Variants in CREB3L2 observed in about 807,000 individuals in gnomAD.
CREB3L2 encodes the protein cyclic AMP-responsive element-binding protein 3-like protein 2.
CREB3L2 carries 23 observed loss-of-function variants against 57.2 expected under a neutral mutation model. The ratio of observed to expected loss-of-function variants is 0.40; its 90% CI spans 0.29 to 0.57. The LOEUF is 0.57. Among genes scored for constraint, CREB3L2 ranks in the 20% least tolerant of loss-of-function variants. The pLI, the probability that CREB3L2 is intolerant of heterozygous loss-of-function variation, is 0.42. For missense variants in CREB3L2, 628 were observed against 634.7 expected (o/e 0.99, Z 0.11); for synonymous variants, 268 against 265.1 (o/e 1.01, Z -0.11).
intron 7 of CREB3L2, among the ~76,000 whole-genome samples, chr7:137,901,963 G>A (rs1273226206): frequency 6.6e-6 from 1 of 151,206 alleles, no homozygotes; most frequent in Non-Finnish European, 1.5e-5. Flanking sequence ...GGAGGCTGAG[G>A]CAGGCAGATC....
intron 1 of CREB3L2, among the ~76,000 whole-genome samples, chr7:137,981,085 G>A (rs546498548): frequency 1.3e-5 from 2 of 152,286 alleles, no homozygotes; most frequent in Admixed American, 6.5e-5. Flanking sequence ...CCTGAGTTCA[G>A]GTCCTCACAC....
intron 1 of CREB3L2, among the ~76,000 whole-genome samples, chr7:137,994,096 C>G (rs1048555521): frequency 6.6e-6 from 1 of 152,168 alleles, no homozygotes; most frequent in African/African-American, 2.4e-5. Context: ...CATCCTGATT[C>G]CACAGGGGCA....
chr7:137,919,114 T>G (rs539283329), intron 2 of CREB3L2, among the ~76,000 whole-genome samples: 1 of 152,266 alleles, frequency 6.6e-6, no homozygotes, highest in African/African-American at 2.4e-5. Context: ...AATTTAGTCC[T>G]TGATCCTGAA....
chr7:137,922,433 TATAC>T (rs1800337038), intron 2 of CREB3L2, among the ~76,000 whole-genome samples: 1 of 48,404 alleles, frequency 2.1e-5, no homozygotes, highest in African/African-American at 1.7e-4. Flanking sequence ...TATATATATA[TATAC>T]GTATATATAT....
At chr7:137,964,829 G>A (rs1176058550) in intron 1 of CREB3L2, among the ~76,000 whole-genome samples, 1 of 152,154 alleles carries the variant, frequency 6.6e-6, no homozygotes, top group Non-Finnish European at 1.5e-5. Flanking sequence ...TTGAATGATG[G>A]AGGCGGTTTC....
intron 4 of CREB3L2, among the ~76,000 whole-genome samples, chr7:137,911,946 G>A (rs1375120094): frequency 6.6e-6 from 1 of 152,184 alleles, no homozygotes; most frequent in Non-Finnish European, 1.5e-5. Context: ...ATCTGCATAC[G>A]CAAGGCAGAG....
At chr7:137,999,379 TACACACACACAC>T (rs60762009) in intron 1 of CREB3L2, among the ~76,000 whole-genome samples, 3,326 of 142,410 alleles carry the variant, frequency 0.023, 133 homozygotes, top group African/African-American at 0.08. Context: ...TATGTTCCCC[TACACACACACAC>T]ACACACACAC....
chr7:137,885,681 G>A (rs1799402944), intron 8 of CREB3L2, among the ~76,000 whole-genome samples, 179 bp from the exon 9 acceptor site: 1 of 152,184 alleles, frequency 6.6e-6, no homozygotes, highest in Non-Finnish European at 1.5e-5. Flanking sequence ...CATTGTCACA[G>A]AGCTCACTGG....
At chr7:137,956,530 C>A (rs1474369180) in intron 1 of CREB3L2, 20 of 950,564 alleles carry the variant, frequency 2.1e-5, no homozygotes, top group Non-Finnish European at 2.8e-5. Flanking sequence ...AGCTCCTAAG[C>A]CCACCTGAGC....
intron 4 of CREB3L2, among the ~76,000 whole-genome samples, chr7:137,910,302 T>C (rs781175399): frequency 2.6e-5 from 4 of 152,028 alleles, no homozygotes; most frequent in Non-Finnish European, 5.9e-5. Flanking sequence ...ACATACAGCT[T>C]TTCTCTAGAT....
At chr7:138,000,145 C>A (rs927287314) in intron 1 of CREB3L2, among the ~76,000 whole-genome samples, 3 of 152,214 alleles carry the variant, frequency 2.0e-5, no homozygotes, top group African/African-American at 7.2e-5. Flanking sequence ...ATTGCAGCTG[C>A]TGGATGAGAC....
rs2117165065 is a variant in CREB3L2, at chr7:137,877,549, C to T, written c.*2927G>A. On this transcript the variant is annotated 3_prime_UTR_variant, in exon 12 of 12. Coordinates refer to ENST00000330387, the MANE Select transcript of CREB3L2 (RefSeq NM_194071.4). Reference sequence around the variant, plus strand: ...GGGTCTGGGTTACTCAGGTCTTATCCAGTGAAAAATTAGTTCTCTGAATCT... The same window carrying T: ...GGGTCTGGGTTACTCAGGTCTTATCTAGTGAAAAATTAGTTCTCTGAATCT... 4.4e-6 allele frequency: 1 copy of T among 225,856 alleles called. No individual in the cohort carries two copies. The highest frequency in any genetic ancestry group is 6.4e-5 in the East Asian group (1 of 15,638). 14.0% of individuals were successfully genotyped at this position (225,856 alleles called of 1,614,324 possible). A position where few individuals can be genotyped will look rare whatever the true frequency, so the allele number is the denominator to read the frequency against.
rs747567177 is a variant in CREB3L2, at chr7:138,001,637, C to A, written c.69G>T (p.Glu23Asp). ...ACATGAGGGCCTCGCCGTCCCCGGGCTCTGACAGCTCGCTCAGCTTGCGGT... is the reference window on the plus strand; with the variant it reads ...ACATGAGGGCCTCGCCGTCCCCGGGATCTGACAGCTCGCTCAGCTTGCGGT... ...QWDRKLSELS[E>D]PGDGEALMYH... The change falls in exon 1 of 12, where the codon GAG (glutamate) becomes GAT (aspartate). Residue 23 changes from glutamate (E) to aspartate (D), a missense_variant. Transcript: ENST00000330387. This position sits in a 1 kb window ranked among gnomAD's most constrained non-coding sequence, Gnocchi z 4.2. 10 of 1,613,442 alleles carry A rather than the reference C, an allele frequency of 6.2e-6. No homozygotes were observed. The highest frequency in any genetic ancestry group is 3.3e-5 in the South Asian group (3 of 91,028).
rs547585814 is a variant in CREB3L2, at chr7:137,880,070, T to C, written c.*406A>G. The C allele has an allele frequency of 1.7e-5, 5 of 289,768 alleles. No individual in the cohort carries two copies. In the South Asian group the frequency reaches 3.9e-4, roughly 22 times the overall value. The allele number at this position is 289,768 out of a possible 1,614,324, so 17.9% of individuals were successfully genotyped here. A position where few individuals can be genotyped will look rare whatever the true frequency, so the allele number is the denominator to read the frequency against. ...TGCTTTGCCAAATACCAACAGGCAT[T>C]ATGGCATTTTTGTGGCCAGAGTCTG... On this transcript the variant is annotated 3_prime_UTR_variant, in exon 12 of 12. Coordinates refer to ENST00000330387, the MANE Select transcript of CREB3L2 (RefSeq NM_194071.4). This position sits in a 1 kb window ranked among gnomAD's most constrained non-coding sequence, Gnocchi z 4.0.
chr7:137,910,532 CATGA>C (rs1799983701), intron 4 of CREB3L2, among the ~76,000 whole-genome samples: 1 of 152,068 alleles, frequency 6.6e-6, no homozygotes, highest in South Asian at 2.1e-4. Context: ...TCTCGAATGC[CATGA>C]ATATTATGGC....
At chr7:137,926,103 A>C (rs1329454449) in intron 2 of CREB3L2, among the ~76,000 whole-genome samples, 2 of 152,214 alleles carry the variant, frequency 1.3e-5, no homozygotes, top group Admixed American at 1.3e-4. Flanking sequence ...GAGGATGCGG[A>C]GAAACAGGAA....
At chr7:137,944,734 A>T (rs2117262446) in intron 1 of CREB3L2, among the ~76,000 whole-genome samples, 1 of 152,342 alleles carries the variant, frequency 6.6e-6, no homozygotes, top group East Asian at 1.9e-4. Context: ...ATATATCTAA[A>T]TGAAAAATAT....
chr7:137,928,059 C>CA, intron 2 of CREB3L2, 91 bp downstream of exon 2: 1 of 996,674 alleles, frequency 1.0e-6, no homozygotes, highest in Non-Finnish European at 1.5e-6. Flanking sequence ...AGGGTGCTGA[C>CA]ACCCTCTTTA....
Position 137,919,700 on chromosome 7 carries a change from G to C in CREB3L2, c.320-3688C>G, listed in dbSNP as rs1376213689. Among the ~76,000 whole-genome samples the C allele has an allele frequency of 2.6e-5, 4 of 152,204 alleles. No homozygotes were observed. The East Asian group carries it at 7.7e-4, about 29-fold the overall frequency. On this transcript the variant is annotated intron_variant, in intron 2 of 11. Transcript: ENST00000330387. ...CAAGAGAAAGGTTAAGTCAATTATG[G>C]TGCATCCATACAATGGAATATTTAT...
Sources: allele counts gnomAD v4.1 joint callset (sites outside exome capture counted in the v4.1 genomes callset), GRCh38; gene constraint gnomAD v4.1.1; non-coding constraint Gnocchi (gnomAD v3.1); transcripts MANE v1.5; gene names NCBI Gene and HGNC (gene_info 2026-07-23, HGNC 2026-07-21).